CEP44: variants seen among roughly 807,000 people sequenced by gnomAD.
CEP44 encodes centrosomal protein of 44 kDa.
In CEP44, 45 loss-of-function variants were observed where a neutral mutation model predicts 46.7. The ratio of observed to expected loss-of-function variants is 0.96; its 90% CI spans 0.76 to 1.24. The LOEUF (loss-of-function observed/expected upper bound fraction) is 1.24, where lower values mean the gene tolerates loss of function less well. Among genes scored for constraint, CEP44 ranks in the 50% most tolerant of loss-of-function variants. The pLI is 0.00. For missense variants in CEP44, 475 were observed against 459.7 expected (o/e 1.03, Z -0.30); for synonymous variants, 142 against 146.0 (o/e 0.97, Z 0.20).
chr4:174,310,443 A>C lies in CEP44; in HGVS notation c.886-340A>C, dbSNP rs1740952103. Among the ~76,000 whole-genome samples the C allele has an allele frequency of 6.6e-6, 1 of 151,938 alleles. No individual in the cohort carries two copies. ...AGGTAACTCTTCCCATCTTTTTTTC[A>C]CTCATTTACTTCAATCATATTGTGA... On this transcript the variant is annotated intron_variant, in intron 8 of 11. Coordinates refer to ENST00000503780, the MANE Select transcript of CEP44 (RefSeq NM_001040157.3). The surrounding 1 kb of genome is among the most constrained non-coding windows in gnomAD (Gnocchi z 4.2).
rs1741756592 is a variant in CEP44, at chr4:174,316,639, A to C, written c.1124+72A>C. ...TTGTATTGGATTACAGTATATATAG[A>C]ATGTGCATGTGTGTTTCAAACCTTA... is the stretch of plus-strand genomic sequence containing the variant. On this transcript the variant is annotated intron_variant, in intron 11 of 11. Coordinates refer to ENST00000503780, the MANE Select transcript of CEP44 (RefSeq NM_001040157.3). The C allele has an allele frequency of 5.1e-6, 7 of 1,372,130 alleles. No individual in the cohort carries two copies. The South Asian group carries it at 9.3e-5, about 18-fold the overall frequency. 85.0% of individuals were successfully genotyped at this position (1,372,130 alleles called of 1,614,324 possible).
intron 4 of CEP44, 106 bp downstream of exon 4, chr4:174,302,292 G>A: frequency 1.5e-6 from 1 of 677,978 alleles, no homozygotes; most frequent in South Asian, 2.0e-5. Flanking sequence ...CAATTGACAG[G>A]ATATTTTCAT....
Position 174,319,509 on chromosome 4 carries a change from TA to T in CEP44, c.*2128del, listed in dbSNP as rs1430361879. 1 of 908,452 alleles carries T rather than the reference TA, an allele frequency of 1.1e-6. No homozygotes were observed. Among genetic ancestry groups the T allele is most frequent in the Non-Finnish European group, 1.3e-6 (1 of 760,028 alleles). The allele number at this position is 908,452 out of a possible 1,614,324, so 56.3% of individuals were successfully genotyped here. A position where few individuals can be genotyped will look rare whatever the true frequency, so the allele number is the denominator to read the frequency against. ...TTCTTATGGAAGATAGAAAAAAAGT[TA>T]AGTCTCTTTCTACCCTTTCTTTTTT... On this transcript the variant is annotated 3_prime_UTR_variant, in exon 12 of 12. Coordinates refer to ENST00000503780, the MANE Select transcript of CEP44 (RefSeq NM_001040157.3).
rs762231821 is a variant in CEP44 at position 174,304,335 on chromosome 4, T to C, written c.473T>C (p.Val158Ala). The C allele has an allele frequency of 3.1e-6, 5 of 1,612,050 alleles. No homozygotes were observed. The East Asian group carries it at 8.9e-5, about 29-fold the overall frequency. ...NEKISAEAVG[V>A]DISGRFMTSG... ...AAAATATCTGCAGAGGCTGTTGGCGTTGATATCAGTGGCAGGTTTATGACC... is the reference window on the plus strand; with the variant it reads ...AAAATATCTGCAGAGGCTGTTGGCGCTGATATCAGTGGCAGGTTTATGACC... The change falls in exon 6 of 12, where the codon GTT (valine) becomes GCT (alanine). Residue 158 changes from valine (V) to alanine (A), a missense_variant. Coordinates refer to ENST00000503780, the MANE Select transcript of CEP44 (RefSeq NM_001040157.3).
In CEP44 at chr4:174,314,352, G is replaced by A. The variant is rs886408713; in HGVS notation, c.962-1814G>A. ...TTAAACAAGTAAGGCTTTACTAAAG[G>A]TTCAGGATAGCAATAAGAAAAAATA... On this transcript the variant is annotated intron_variant, in intron 9 of 11. Transcript: ENST00000503780. This position sits in a 1 kb window ranked among gnomAD's most constrained non-coding sequence, Gnocchi z 4.1. 4.6e-5 allele frequency among the ~76,000 whole-genome samples: 7 copies of A among 152,130 alleles called. No individual in the cohort carries two copies. Among genetic ancestry groups the A allele is most frequent in the Admixed American group, 1.3e-4 (2 of 15,254 alleles).
In CEP44 at chr4:174,302,137, T is replaced by C; in HGVS notation, c.188T>C (p.Val63Ala). The C allele has an allele frequency of 6.2e-7, 1 of 1,610,536 alleles. No individual in the cohort carries two copies. The highest frequency in any genetic ancestry group is 8.5e-7 in the Non-Finnish European group (1 of 1,178,428). ...YVTELIMESN[V>A]ELIAKNDLRF... ...ACAGAACTTATAATGGAATCCAATG[T>C]AGAGCTCATAGCAAAAAATGACTTG... The change falls in exon 4 of 12, where the codon GTA (valine) becomes GCA (alanine). Residue 63 changes from valine (V) to alanine (A), a missense_variant. Val to Ala is a moderately conservative substitution (Grantham distance 64, BLOSUM62 0). Transcript: ENST00000503780.
intron 1 of CEP44, among the ~76,000 whole-genome samples, chr4:174,295,839 A>G (rs1490077233): frequency 6.6e-6 from 1 of 152,086 alleles, no homozygotes; most frequent in Non-Finnish European, 1.5e-5. Flanking sequence ...AATTCTAGGT[A>G]TTTTTCCAAT....
At chr4:174,313,796 G>GTAA (rs906726211) in intron 9 of CEP44, among the ~76,000 whole-genome samples, 17 of 152,108 alleles carry the variant, frequency 1.1e-4, no homozygotes, top group African/African-American at 4.1e-4. Context: ...AGTAAGGAAG[G>GTAA]TAACACTGAC....
intron 9 of CEP44, among the ~76,000 whole-genome samples, chr4:174,315,941 A>G (rs1027882544): frequency 1.3e-5 from 2 of 151,920 alleles, no homozygotes; most frequent in African/African-American, 4.8e-5. Flanking sequence ...ACTGATTGCT[A>G]TCATGATAAT....
At chr4:174,298,828 A>G (rs1213323485) in intron 2 of CEP44, among the ~76,000 whole-genome samples, 1 of 152,210 alleles carries the variant, frequency 6.6e-6, no homozygotes, top group South Asian at 2.1e-4. Context: ...TTATAATAAG[A>G]TGAATATAAG....
At position 174,316,217 on chromosome 4, in the gene CEP44, A is replaced by G. The variant is rs1560916094; in HGVS notation, c.1013A>G (p.Tyr338Cys). Residue 338 changes from tyrosine (Y) to cysteine (C), a missense_variant, in exon 10 of 12, where the codon TAT becomes TGT. Tyr to Cys is a radical substitution (Grantham distance 194, BLOSUM62 -2). Coordinates refer to ENST00000503780, the MANE Select transcript of CEP44 (RefSeq NM_001040157.3). ...RPASIPLSSG[Y>C]STASSDSTPR... ...GCAAGTATTCCTCTGTCCTCTGGCT[A>G]TAGTACAGCATCATCAGATTCAACT... 8.1e-6 allele frequency: 13 copies of G among 1,613,828 alleles called. No homozygotes were observed. Among genetic ancestry groups the G allele is most frequent in the Middle Eastern group, 1.7e-4 (1 of 6,058 alleles).
At chr4:174,302,287 G>A in intron 4 of CEP44, 101 bp downstream of exon 4, 1 of 698,892 alleles carries the variant, frequency 1.4e-6, no homozygotes. Context: ...ATATACAATT[G>A]ACAGGATATT....
intron 1 of CEP44, among the ~76,000 whole-genome samples, chr4:174,285,195 A>G (rs1304135873): frequency 6.6e-6 from 1 of 152,238 alleles, no homozygotes; most frequent in Non-Finnish European, 1.5e-5. Context: ...CAGTGCTATA[A>G]GTTGAAAATG....
In CEP44 at chr4:174,287,788, G is replaced by A. The variant is rs1163292514; in HGVS notation, c.-148+3845G>A. ...TCATGCTGACAATATGTTTATAAGT[G>A]TTTTGCAGTAACCTTTTTGTTTCTA... On this transcript the variant is annotated intron_variant, in intron 1 of 11. Transcript: ENST00000503780. The surrounding 1 kb of genome is among the most constrained non-coding windows in gnomAD (Gnocchi z 5.1). Among the ~76,000 whole-genome samples the A allele has an allele frequency of 6.6e-6, 1 of 152,180 alleles. No homozygotes were observed. Among genetic ancestry groups the A allele is most frequent in the Non-Finnish European group, 1.5e-5 (1 of 68,030 alleles).
chr4:174,320,903 C>T (rs372533945), downstream of CEP44, among the ~76,000 whole-genome samples: 31 of 151,900 alleles, frequency 2.0e-4, no homozygotes, highest in Middle Eastern at 0.014. Context: ...TTACAGTAAT[C>T]GAAGAAACAT....
At chr4:174,303,917 A>G in intron 5 of CEP44, 68 bp downstream of exon 5, 1 of 1,111,636 alleles carries the variant, frequency 9.0e-7, no homozygotes, top group African/African-American at 1.6e-5. Context: ...TTTAATGTAT[A>G]AAATCAAAAC....
rs138441215 is a variant in CEP44, at chr4:174,319,064, G to A, written c.*1681G>A. The A allele has an allele frequency of 5.0e-3, 4,015 of 810,394 alleles. 11 individuals are homozygous for A. Among genetic ancestry groups the A allele is most frequent in the Middle Eastern group, 8.1e-3 (13 of 1,610 alleles). 50.2% of individuals were successfully genotyped at this position (810,394 alleles called of 1,614,324 possible). ...GCTAAAGCTACTCGCCCACCTGGAT[G>A]TCCCAAAGTGCTAGATTCCATGGGT... On this transcript the variant is annotated 3_prime_UTR_variant, in exon 12 of 12. Transcript: ENST00000503780.
downstream of CEP44, among the ~76,000 whole-genome samples, chr4:174,324,128 A>G (rs1742503859): frequency 6.6e-6 from 1 of 152,160 alleles, no homozygotes; most frequent in Non-Finnish European, 1.5e-5. Context: ...TGCTGTTGCT[A>G]GAGTTTTATA....
chr4:174,299,304 A>G, intron 3 of CEP44, 94 bp downstream of exon 3: 1 of 941,270 alleles, frequency 1.1e-6, no homozygotes, highest in Non-Finnish European at 1.6e-6. Context: ...ATCAGATTTT[A>G]CCTGGTTCCT....
Sources: allele counts gnomAD v4.1 joint callset (sites outside exome capture counted in the v4.1 genomes callset), GRCh38; gene constraint gnomAD v4.1.1; non-coding constraint Gnocchi (gnomAD v3.1); transcripts MANE v1.5; gene names NCBI Gene and HGNC (gene_info 2026-07-23, HGNC 2026-07-21).